Variants in WDR27 observed in about 807,000 individuals in gnomAD.
The protein encoded by WDR27 is WD repeat-containing protein 27.
WDR27 carries 100 observed loss-of-function variants against 114.4 expected under a neutral mutation model. That is an observed-to-expected ratio of 0.87 (90% CI 0.74 to 1.03). The LOEUF is 1.03. Ranked by LOEUF, WDR27 falls within the 50% of genes least tolerant of loss-of-function variation. The pLI, the probability that WDR27 is intolerant of heterozygous loss-of-function variation, is 0.00. For synonymous variants in WDR27, 449 were observed against 423.1 expected, an observed-to-expected ratio of 1.06 and a Z score of -0.75; for missense variants, 1,129 against 1,092.9, an observed-to-expected ratio of 1.03 and a Z score of -0.47.
At chr6:169,592,677 CCTGT>C (rs1279303993) in intron 23 of WDR27, among the ~76,000 whole-genome samples, 1 of 152,084 alleles carries the variant, frequency 6.6e-6, no homozygotes, top group Non-Finnish European at 1.5e-5. Flanking sequence ...GTTAAGTTGT[CCTGT>C]CTAATTTCAA....
rs141684937 is a variant in WDR27 at position 169,505,043 on chromosome 6, A to T, written c.2646-47409T>A. 1.1e-4 allele frequency among the ~76,000 whole-genome samples: 17 copies of T among 152,362 alleles called. 1 individual carries two copies. In the East Asian group the frequency reaches 2.5e-3, roughly 22 times the overall value. On this transcript the variant is annotated intron_variant, in intron 25 of 25. Coordinates refer to ENST00000448612, the MANE Select transcript of WDR27 (RefSeq NM_182552.5). ...CCTTACATGAAATCTAGCAAGAAAGACAATATTATTACTTGGCTACAATTA... is the reference window on the plus strand; with the variant it reads ...CCTTACATGAAATCTAGCAAGAAAGTCAATATTATTACTTGGCTACAATTA...
In WDR27 at chr6:169,457,504, C is replaced by T; in HGVS notation, c.*88G>A. ...TATGAAAAACAGTTGCTGCTTCTGG[C>T]CCCCTGATGGATGAACCACTACTTC... On this transcript the variant is annotated 3_prime_UTR_variant, in exon 26 of 26. Transcript: ENST00000448612. The T allele has an allele frequency of 9.7e-6, 11 of 1,139,718 alleles. No homozygotes were observed. The highest frequency in any genetic ancestry group is 1.3e-5 in the Non-Finnish European group (11 of 816,802). 70.6% of individuals were successfully genotyped at this position (1,139,718 alleles called of 1,614,324 possible). A position where few individuals can be genotyped will look rare whatever the true frequency, so the allele number is the denominator to read the frequency against.
At chr6:169,488,847 C>T (rs1201342062) in intron 25 of WDR27, among the ~76,000 whole-genome samples, 2 of 151,886 alleles carry the variant, frequency 1.3e-5, no homozygotes, top group African/African-American at 4.8e-5. Context: ...GCAGCATAAT[C>T]GTCTTTTGGA....
chr6:169,453,109 G>A (rs1163594123), downstream of WDR27, among the ~76,000 whole-genome samples: 1 of 152,244 alleles, frequency 6.6e-6, no homozygotes, highest in African/African-American at 2.4e-5. Flanking sequence ...CAAAAAGTAA[G>A]AAGATATAGA....
At chr6:169,612,150 G>A (rs1810688476) in intron 22 of WDR27, among the ~76,000 whole-genome samples, 1 of 150,730 alleles carries the variant, frequency 6.6e-6, no homozygotes, top group African/African-American at 2.4e-5. Context: ...AAACCAAACA[G>A]GCTGGGCACG....
intron 21 of WDR27, among the ~76,000 whole-genome samples, chr6:169,618,449 T>C (rs981898377): frequency 3.9e-5 from 6 of 152,042 alleles, no homozygotes; most frequent in African/African-American, 1.4e-4. Flanking sequence ...AAATGAGCCA[T>C]TTAATAATAT....
chr6:169,620,938 G>A (rs963362606), intron 21 of WDR27, among the ~76,000 whole-genome samples: 32 of 152,136 alleles, frequency 2.1e-4, no homozygotes, highest in African/African-American at 6.5e-4. Context: ...TCATGAACCT[G>A]CTGCTCTAGT....
chr6:169,640,384 C>G (rs1209127511), intron 17 of WDR27, among the ~76,000 whole-genome samples: 1 of 152,212 alleles, frequency 6.6e-6, no homozygotes, highest in African/African-American at 2.4e-5. Flanking sequence ...CAACAGGACG[C>G]CAGGAAACGC....
intron 25 of WDR27, among the ~76,000 whole-genome samples, chr6:169,462,467 G>C (rs1210049002): frequency 7.0e-6 from 1 of 143,688 alleles, no homozygotes; most frequent in Non-Finnish European, 1.5e-5. Flanking sequence ...AGAGAGGGAG[G>C]GAGGAGAGGG....
chr6:169,609,104 CT>C (rs1809934675), intron 22 of WDR27, among the ~76,000 whole-genome samples: 1 of 151,836 alleles, frequency 6.6e-6, no homozygotes, highest in Non-Finnish European at 1.5e-5. Context: ...GTGGGCAGCT[CT>C]GTCCCTGTGG....
chr6:169,682,470 G>T (rs1781791190), intron 2 of WDR27, among the ~76,000 whole-genome samples: 1 of 152,196 alleles, frequency 6.6e-6, no homozygotes, highest in Non-Finnish European at 1.5e-5. Context: ...CAACCTCAGA[G>T]TTCTTGCAAG....
chr6:169,446,199 C>A, the WDR27 span, among the ~76,000 whole-genome samples: 7 of 152,164 alleles, frequency 4.6e-5, no homozygotes, highest in Admixed American at 4.6e-4. Context: ...GCTGGGGGAG[C>A]GGGAAATCAT....
At chr6:169,648,017 ATT>A in intron 15 of WDR27, 147 bp from the exon 16 acceptor site, 2 of 582,068 alleles carry the variant, frequency 3.4e-6, no homozygotes, top group Non-Finnish European at 6.0e-6. Context: ...ATATGTCTAT[ATT>A]TAGACTCTTA....
At chr6:169,430,886 T>C in the WDR27 span, among the ~76,000 whole-genome samples, 2 of 152,236 alleles carry the variant, frequency 1.3e-5, no homozygotes, top group African/African-American at 4.8e-5. Flanking sequence ...GCGGCCCCTC[T>C]CAAGTGCCTA....
At chr6:169,571,211 A>T (rs906351818) in intron 25 of WDR27, among the ~76,000 whole-genome samples, 4 of 152,096 alleles carry the variant, frequency 2.6e-5, no homozygotes, top group Non-Finnish European at 2.9e-5. Context: ...TACAGCCTAA[A>T]TAAAACAGAT....
chr6:169,434,467 G>T, the WDR27 span, among the ~76,000 whole-genome samples: 3 of 152,154 alleles, frequency 2.0e-5, no homozygotes, highest in Non-Finnish European at 2.9e-5. Flanking sequence ...GTACCATGCT[G>T]TTTTGGTTAC....
intron 21 of WDR27, among the ~76,000 whole-genome samples, chr6:169,620,829 A>G (rs772634808): frequency 1.3e-5 from 2 of 152,032 alleles, no homozygotes; most frequent in Non-Finnish European, 2.9e-5. Context: ...GCTTCACCAC[A>G]CAGTCCACCT....
chr6:169,512,605 T>C (rs948454514), intron 25 of WDR27, among the ~76,000 whole-genome samples: 2 of 152,182 alleles, frequency 1.3e-5, no homozygotes, highest in Admixed American at 6.5e-5. Context: ...CCTACTGGCT[T>C]TCTAAACCAC....
chr6:169,526,081 G>A (rs914421455), intron 25 of WDR27, among the ~76,000 whole-genome samples: 4 of 152,178 alleles, frequency 2.6e-5, no homozygotes, highest in African/African-American at 9.7e-5. Flanking sequence ...ACCAGAGGCT[G>A]AGAAGGGCAG....
Sources: gnomAD v4.1 joint callset for allele counts (sites outside exome capture counted in the v4.1 genomes callset) on GRCh38, gnomAD v4.1.1 for gene constraint, MANE v1.5 for transcripts, NCBI Gene and HGNC (gene_info 2026-07-23, HGNC 2026-07-21) for gene names.